The following LAMC1 variants were observed in gnomAD, a reference collection of about 807,000 sequenced individuals.
The protein encoded by LAMC1 is laminin subunit gamma 1, also known as laminin subunit gamma-1.
LAMC1 carries 38 observed loss-of-function variants against 173.6 expected under a neutral mutation model. That is an observed-to-expected ratio of 0.22 (90% CI 0.17 to 0.29). LAMC1 has a LOEUF of 0.29. LAMC1 is among the 10% of genes least tolerant of loss of function. The probability of loss-of-function intolerance (pLI) is 1.00; values close to 1 mark genes in which losing one functional copy is unlikely to be tolerated. For missense variants in LAMC1, 1,824 were observed against 2,051.8 expected (o/e 0.89, Z 2.14); for synonymous variants, 746 against 749.1 (o/e 1.00, Z 0.07).
At chr1:183,085,618 C>T (rs1318531149) in intron 1 of LAMC1, among the ~76,000 whole-genome samples, 2 of 152,058 alleles carry the variant, frequency 1.3e-5, no homozygotes, top group African/African-American at 4.8e-5. Context: ...GATCTGCCTG[C>T]CTTGGCCTCC....
At chr1:183,111,991 A>G (rs1011538367) in intron 4 of LAMC1, among the ~76,000 whole-genome samples, 7 of 152,302 alleles carry the variant, frequency 4.6e-5, no homozygotes, top group African/African-American at 1.7e-4. Flanking sequence ...GTGAGTCAAG[A>G]TTGCGCCACT....
intron 2 of LAMC1, among the ~76,000 whole-genome samples, chr1:183,105,723 G>A (rs1325912376): frequency 6.6e-6 from 1 of 152,124 alleles, no homozygotes; most frequent in Admixed American, 6.6e-5. Flanking sequence ...CTGGATGTAA[G>A]AGCTCTGTCT....
intron 1 of LAMC1, among the ~76,000 whole-genome samples, chr1:183,075,146 A>G (rs1336566785): frequency 6.9e-6 from 1 of 145,728 alleles, no homozygotes; most frequent in Non-Finnish European, 1.5e-5. Context: ...TTTTTTCGAG[A>G]CAGGGTGTTA....
In LAMC1 at chr1:183,128,699, G is replaced by A. The variant is rs1400345918; in HGVS notation, c.3229G>A (p.Glu1077Lys). The change falls in exon 18 of 28, where the codon GAA (glutamate) becomes AAA (lysine). Residue 1077 changes from glutamate to lysine, a missense_variant. Transcript: ENST00000258341. ...TCAAGCCTTCGAGGATAGACTAAAG[G>A]AAGCAGAGAGGGAAGTTATGGACCT... ...TDQAFEDRLKEAEREVMDLLR... is the reference protein window; with the variant it reads ...TDQAFEDRLKKAEREVMDLLR... 1 of 1,613,616 alleles carries A rather than the reference G, an allele frequency of 6.2e-7. No individual in the cohort carries two copies. Among genetic ancestry groups the A allele is most frequent in the Admixed American group, 1.7e-5 (1 of 60,022 alleles).
chr1:183,052,049 G>C (rs1444885517), intron 1 of LAMC1, among the ~76,000 whole-genome samples: 2 of 152,070 alleles, frequency 1.3e-5, no homozygotes, highest in African/African-American at 2.4e-5. Flanking sequence ...TTGTTCATCT[G>C]ATAAAAAAAT....
intron 2 of LAMC1, among the ~76,000 whole-genome samples, chr1:183,107,916 C>T (rs1335202864): frequency 1.3e-5 from 2 of 152,062 alleles, no homozygotes; most frequent in Non-Finnish European, 2.9e-5. Context: ...AAGCTGGTAT[C>T]CCTTACTGGA....
chr1:183,127,378 G>A lies in LAMC1; in HGVS notation c.3097G>A (p.Ala1033Thr). ...TTGGCCTGGCTGCCAGGAATGTCCAGCTTGTTACCGGCTGGTAAAGGATAA... is the reference window on the plus strand; with the variant it reads ...TTGGCCTGGCTGCCAGGAATGTCCAACTTGTTACCGGCTGGTAAAGGATAA... ...RSWPGCQECP[A>T]CYRLVKDKVA... Residue 1033 changes from alanine (A) to threonine (T), a missense_variant, in exon 17 of 28, where the codon GCT (alanine) becomes ACT (threonine). Coordinates refer to ENST00000258341, the MANE Select transcript of LAMC1 (RefSeq NM_002293.4). 1 of 1,614,096 alleles carries A rather than the reference G, an allele frequency of 6.2e-7. No individual in the cohort carries two copies. Among genetic ancestry groups the A allele is most frequent in the Admixed American group, 1.7e-5 (1 of 60,024 alleles).
In LAMC1 at chr1:183,114,479, CTCT is replaced by C. The variant is rs933338540; in HGVS notation, c.1022-47_1022-45del. ...ATGTTTGGTTTTAAGTCTTAAAATG[CTCT>C]TCTTAAAGGTACCCAGATCTGATGT... On this transcript the variant is annotated intron_variant, in intron 4 of 27. Coordinates refer to ENST00000258341, the MANE Select transcript of LAMC1 (RefSeq NM_002293.4). 5.6e-5 allele frequency: 87 copies of C among 1,566,374 alleles called. No individual in the cohort carries two copies. The Admixed American group carries it at 8.6e-4, about 16-fold the overall frequency.
intron 1 of LAMC1, among the ~76,000 whole-genome samples, chr1:183,026,478 A>C (rs1395345317): frequency 6.6e-6 from 1 of 152,126 alleles, no homozygotes; most frequent in East Asian, 1.9e-4. Context: ...CAAGTAGGCA[A>C]GGTGTCATGT....
At chr1:183,099,048 C>T (rs1296161786) in intron 1 of LAMC1, among the ~76,000 whole-genome samples, 2 of 152,092 alleles carry the variant, frequency 1.3e-5, no homozygotes, top group African/African-American at 4.8e-5. Flanking sequence ...AGATTAACTA[C>T]ACTCACTGTG....
At chr1:183,058,135 C>A (rs1654645288) in intron 1 of LAMC1, among the ~76,000 whole-genome samples, 1 of 152,148 alleles carries the variant, frequency 6.6e-6, no homozygotes, top group African/African-American at 2.4e-5. Flanking sequence ...TCTCTATTGG[C>A]TACTTCATTT....
At chr1:183,133,379 C>T (rs1656851193) in intron 21 of LAMC1, 27 bp from the exon 22 acceptor site, 1 of 1,595,026 alleles carries the variant, frequency 6.3e-7, no homozygotes, top group African/African-American at 1.3e-5. Flanking sequence ...CTAAGATTGT[C>T]ATTAAACCAC....
intron 1 of LAMC1, among the ~76,000 whole-genome samples, chr1:183,060,027 G>C (rs369141541): frequency 1.3e-5 from 2 of 152,110 alleles, no homozygotes; most frequent in African/African-American, 4.8e-5. Flanking sequence ...GGAAGGAAAC[G>C]TGAGGATTGT....
At chr1:183,046,297 ATATCT>A in intron 1 of LAMC1, among the ~76,000 whole-genome samples, 1 of 152,164 alleles carries the variant, frequency 6.6e-6, no homozygotes, top group East Asian at 1.9e-4. Flanking sequence ...TATTTTAGAA[ATATCT>A]TAGCTATGTT....
chr1:183,057,489 C>T (rs1246602610), intron 1 of LAMC1, among the ~76,000 whole-genome samples: 5 of 152,148 alleles, frequency 3.3e-5, no homozygotes, highest in South Asian at 2.1e-4. Flanking sequence ...GGCCGGGTGC[C>T]GTGGCTTACG....
At chr1:183,140,377 A>T in intron 26 of LAMC1, 27 bp from the exon 27 acceptor site, 1 of 1,430,224 alleles carries the variant, frequency 7.0e-7, no homozygotes, top group Non-Finnish European at 9.8e-7. Context: ...TACAGTCAAG[A>T]CTCTTTGCCT....
At chr1:183,124,983 A>G (rs1656580801) in intron 14 of LAMC1, 107 bp downstream of exon 14, 10 of 1,387,988 alleles carry the variant, frequency 7.2e-6, no homozygotes, top group Non-Finnish European at 9.8e-6. Context: ...ATAGAAATAC[A>G]TTGTGAACCG....
At chr1:183,115,962 AC>A (rs1399427950) in intron 6 of LAMC1, among the ~76,000 whole-genome samples, 2 of 152,092 alleles carry the variant, frequency 1.3e-5, no homozygotes, top group Non-Finnish European at 2.9e-5. Flanking sequence ...CCCCGTCTAT[AC>A]TAAAAATACA....
intron 1 of LAMC1, among the ~76,000 whole-genome samples, chr1:183,056,631 G>A (rs144779480): frequency 0.012 from 1,767 of 152,248 alleles, 28 homozygotes; most frequent in African/African-American, 0.038. Context: ...AAGGGACCTC[G>A]TAGACCTTGG....
Sources: gnomAD v4.1 joint callset for allele counts (sites outside exome capture counted in the v4.1 genomes callset) on GRCh38, gnomAD v4.1.1 for gene constraint, MANE v1.5 for transcripts, NCBI Gene and HGNC (gene_info 2026-07-23, HGNC 2026-07-21) for gene names.